Variants in CD163L1 observed in about 807,000 individuals in gnomAD.
CD163L1 encodes scavenger receptor cysteine-rich type 1 protein M160.
In CD163L1, 124 loss-of-function variants were observed where a neutral mutation model predicts 165.4. The observed-to-expected ratio is 0.75, with a 90% CI of 0.65 to 0.87. CD163L1 has a LOEUF of 0.87. Among genes scored for constraint, CD163L1 ranks in the 40% least tolerant of loss-of-function variants. The pLI, the probability that CD163L1 is intolerant of heterozygous loss-of-function variation, is 0.00. For synonymous variants in CD163L1, 585 were observed against 662.2 expected (o/e 0.88, Z 1.79); for missense variants, 1,525 against 1,799.9 (o/e 0.85, Z 2.76).
chr12:7,334,671 C>T, the CD163L1 span, among the ~76,000 whole-genome samples: 8 of 152,166 alleles, frequency 5.3e-5, no homozygotes, highest in South Asian at 2.1e-4. Flanking sequence ...AAATAAAGGG[C>T]ATTCAATTAG....
the CD163L1 span, among the ~76,000 whole-genome samples, chr12:7,336,601 A>G: frequency 1.3e-5 from 2 of 152,154 alleles, no homozygotes; most frequent in South Asian, 4.1e-4. Flanking sequence ...TGGCACATGT[A>G]TACATATGTA....
chr12:7,431,328 A>C (rs1047718121), intron 4 of CD163L1, among the ~76,000 whole-genome samples: 1 of 151,996 alleles, frequency 6.6e-6, no homozygotes, highest in African/African-American at 2.4e-5. Flanking sequence ...GAGGCAGAAG[A>C]ATAGCTCGAA....
intron 6 of CD163L1, among the ~76,000 whole-genome samples, chr12:7,399,176 C>A (rs1947848931): frequency 6.9e-6 from 1 of 145,852 alleles, no homozygotes; most frequent in Non-Finnish European, 1.5e-5. Context: ...TCCTTCCGCC[C>A]TCCCTCTTTT....
intron 14 of CD163L1, among the ~76,000 whole-genome samples, chr12:7,370,119 T>A (rs1020706343): frequency 8.5e-5 from 13 of 152,184 alleles, no homozygotes; most frequent in Non-Finnish European, 1.8e-4. Flanking sequence ...TGCCTTCACT[T>A]TACTCCCTGT....
At chr12:7,433,107 T>C (rs1948657000) in intron 3 of CD163L1, among the ~76,000 whole-genome samples, 3 of 152,224 alleles carry the variant, frequency 2.0e-5, no homozygotes, top group Admixed American at 1.3e-4. Flanking sequence ...ATTATAGTTA[T>C]GATAAAGATA....
At chr12:7,427,187 T>C (rs1485153344) in intron 4 of CD163L1, among the ~76,000 whole-genome samples, 3 of 151,990 alleles carry the variant, frequency 2.0e-5, no homozygotes, top group Admixed American at 6.6e-5. Context: ...AACAACACTA[T>C]AGACTAAAGG....
intron 4 of CD163L1, among the ~76,000 whole-genome samples, chr12:7,409,085 C>G (rs1321262710): frequency 6.6e-6 from 1 of 152,106 alleles, no homozygotes; most frequent in African/African-American, 2.4e-5. Flanking sequence ...ATGGAATTAG[C>G]ATTTTTCCAA....
downstream of CD163L1, among the ~76,000 whole-genome samples, chr12:7,344,029 C>T (rs143506154): frequency 6.6e-6 from 1 of 151,940 alleles, no homozygotes; most frequent in Non-Finnish European, 1.5e-5. Context: ...AAGAAAGGAG[C>T]AACAGGCCCC....
chr12:7,442,140 TTAAAA>T (rs1330310079), intron 1 of CD163L1, among the ~76,000 whole-genome samples: 2 of 152,332 alleles, frequency 1.3e-5, no homozygotes, highest in African/African-American at 2.4e-5. Context: ...AAGAAATACT[TTAAAA>T]TAATATTTAT....
downstream of CD163L1, among the ~76,000 whole-genome samples, chr12:7,343,149 G>A (rs747691988): frequency 1.3e-5 from 2 of 152,302 alleles, no homozygotes; most frequent in African/African-American, 4.8e-5. Context: ...GAAAGAGGAG[G>A]AGAGAAATAT....
At chr12:7,328,423 A>C in the CD163L1 span, 1 of 1,377,816 alleles carries the variant, frequency 7.3e-7, no homozygotes, top group South Asian at 1.4e-5. Flanking sequence ...GCTTTCTTTT[A>C]GTATTTGTTC....
At chr12:7,378,355 A>C (rs1042682506) in intron 9 of CD163L1, among the ~76,000 whole-genome samples, 1 of 152,086 alleles carries the variant, frequency 6.6e-6, no homozygotes, top group African/African-American at 2.4e-5. Flanking sequence ...ACATAAACAC[A>C]CACACACACC....
the CD163L1 span, chr12:7,324,503 C>T: frequency 1.2e-5 from 19 of 1,613,722 alleles, no homozygotes; most frequent in East Asian, 4.5e-5. Context: ...CTTCAGGTAC[C>T]GTATTGGGCC....
chr12:7,367,115 T>C lies in CD163L1; in HGVS notation c.4279+121A>G, dbSNP rs1413299263. 9.1e-5 allele frequency: 43 copies of C among 474,710 alleles called. No individual in the cohort carries two copies. In the East Asian group the frequency reaches 1.3e-3, roughly 15 times the overall value. 29.4% of individuals were successfully genotyped at this position (474,710 alleles called of 1,614,324 possible). On this transcript the variant is annotated intron_variant, in intron 18 of 19. Transcript: ENST00000313599. ...TATCTATTCCCCGTTTGTTTCCCTTTCGCGTATTTTGTATAAGAGGCTGAG... is the reference window on the plus strand; with the variant it reads ...TATCTATTCCCCGTTTGTTTCCCTTCCGCGTATTTTGTATAAGAGGCTGAG...
At chr12:7,386,585 GC>G in intron 8 of CD163L1, among the ~76,000 whole-genome samples, 1 of 115,182 alleles carries the variant, frequency 8.7e-6, no homozygotes, top group Non-Finnish European at 1.7e-5. Flanking sequence ...ATACCAGCAA[GC>G]CAAATCCGTC....
chr12:7,363,131 C>T (rs1002280020), intron 18 of CD163L1, among the ~76,000 whole-genome samples: 7 of 151,768 alleles, frequency 4.6e-5, no homozygotes, highest in African/African-American at 1.7e-4. Context: ...ATAGTGAAAC[C>T]CCATGTCTAC....
downstream of CD163L1, among the ~76,000 whole-genome samples, chr12:7,342,411 G>A (rs184433478): frequency 8.7e-3 from 1,319 of 152,268 alleles, 9 homozygotes; most frequent in Middle Eastern, 0.034. Flanking sequence ...AATACTTTTA[G>A]TTAATCTATA....
In CD163L1 at chr12:7,369,390, C is replaced by T. The variant is rs879064908; in HGVS notation, c.4006G>A (p.Gly1336Arg). ...CTCACGCCAGCATCTTCCTTGTGTC[C>T]ACAGTCACTCTGTCCCCAGGGTTTG... ...HAKPWGQSDC[G>R]HKEDAGVRCS... The change falls in exon 15 of 20, where the codon GGA becomes AGA. Residue 1336 changes from glycine to arginine, a missense_variant. Transcript: ENST00000313599. The surrounding 1 kb of genome is among the most constrained non-coding windows in gnomAD (Gnocchi z 4.9). 3 of 1,614,102 alleles carry T rather than the reference C, an allele frequency of 1.9e-6. No homozygotes were observed. Among genetic ancestry groups the T allele is most frequent in the Admixed American group, 3.3e-5 (2 of 60,020 alleles).
intron 17 of CD163L1, among the ~76,000 whole-genome samples, 186 bp downstream of exon 17, chr12:7,367,901 T>G (rs1335149847): frequency 6.6e-6 from 1 of 152,248 alleles, no homozygotes. Flanking sequence ...TACATTTGTG[T>G]AAATGGAAAT....
Sources: allele counts gnomAD v4.1 joint callset (sites outside exome capture counted in the v4.1 genomes callset), GRCh38; gene constraint gnomAD v4.1.1; non-coding constraint Gnocchi (gnomAD v3.1); transcripts MANE v1.5; gene names NCBI Gene and HGNC (gene_info 2026-07-23, HGNC 2026-07-21).